ULK4: variants seen among roughly 807,000 people sequenced by gnomAD.
ULK4 encodes the protein inactive serine/threonine-protein kinase ULK4.
In ULK4, 133 loss-of-function variants were observed where a neutral mutation model predicts 160.6. The observed-to-expected ratio is 0.83, with a 90% CI of 0.72 to 0.96. ULK4 has a LOEUF of 0.96. Ranked by LOEUF, ULK4 falls within the 40% of genes least tolerant of loss-of-function variation. The probability of loss-of-function intolerance (pLI) is 0.00; values close to 1 mark genes in which losing one functional copy is unlikely to be tolerated. For synonymous variants in ULK4, 534 were observed against 539.8 expected (o/e 0.99, Z 0.15); for missense variants, 1,580 against 1,499.5 (o/e 1.05, Z -0.89).
rs2035260848 is a variant in ULK4 at position 41,663,708 on chromosome 3, G to A, written c.2979-9C>T. 2.5e-6 allele frequency: 4 copies of A among 1,610,678 alleles called. No homozygotes were observed. Among genetic ancestry groups the A allele is most frequent in the Non-Finnish European group, 1.7e-6 (2 of 1,177,254 alleles). ...AAAGAATGTGCTCATACCTGAAATGGTAAAGACATTTAAAAAATACTCAGT... is the reference window on the plus strand; with the variant it reads ...AAAGAATGTGCTCATACCTGAAATGATAAAGACATTTAAAAAATACTCAGT... On this transcript the variant is annotated splice_polypyrimidine_tract_variant and intron_variant, in intron 29 of 36. Coordinates refer to ENST00000301831, the MANE Select transcript of ULK4 (RefSeq NM_017886.4).
At chr3:41,589,946 C>T (rs2031152043) in intron 31 of ULK4, among the ~76,000 whole-genome samples, 2 of 151,158 alleles carry the variant, frequency 1.3e-5, no homozygotes, top group Admixed American at 6.6e-5. Context: ...CTCAAGAGTG[C>T]AGAGGAAAAT....
intron 21 of ULK4, among the ~76,000 whole-genome samples, chr3:41,777,813 T>A (rs1280113021): frequency 7.1e-6 from 1 of 141,816 alleles, no homozygotes; most frequent in Non-Finnish European, 1.5e-5. Context: ...TCTGTTCTTT[T>A]ACATTTGCTG....
intron 31 of ULK4, among the ~76,000 whole-genome samples, chr3:41,583,201 G>A (rs2030514212): frequency 6.6e-6 from 1 of 152,184 alleles, no homozygotes; most frequent in Admixed American, 6.5e-5. Context: ...TCTCAGAAAA[G>A]ATAATGGAGC....
intron 21 of ULK4, among the ~76,000 whole-genome samples, chr3:41,781,871 GGAGGTTGCAGTGAGCC>G (rs1298659310): frequency 6.6e-6 from 1 of 151,986 alleles, no homozygotes; most frequent in African/African-American, 2.4e-5. Flanking sequence ...CCCGGGAGGC[GGAGGTTGCAGTGAGCC>G]GAGATCATGC....
intron 35 of ULK4, among the ~76,000 whole-genome samples, chr3:41,260,345 G>C (rs1270848699): frequency 6.6e-6 from 1 of 152,180 alleles, no homozygotes; most frequent in Non-Finnish European, 1.5e-5. Flanking sequence ...GCTGCTGCCA[G>C]GGTCTCACCT....
chr3:41,277,142 T>A (rs1276594733), intron 35 of ULK4, among the ~76,000 whole-genome samples: 1 of 152,124 alleles, frequency 6.6e-6, no homozygotes, highest in Non-Finnish European at 1.5e-5. Context: ...CAGGACCAGA[T>A]GAATTCACAG....
At chr3:41,656,436 G>C (rs1234970819) in intron 30 of ULK4, among the ~76,000 whole-genome samples, 2 of 152,090 alleles carry the variant, frequency 1.3e-5, no homozygotes, top group Non-Finnish European at 2.9e-5. Context: ...ATCATTACAT[G>C]TATTAAAACC....
chr3:41,327,036 G>T (rs563604339), intron 35 of ULK4, among the ~76,000 whole-genome samples: 1 of 152,302 alleles, frequency 6.6e-6, no homozygotes, highest in African/African-American at 2.4e-5. Context: ...TACATGCTAG[G>T]CTTTCTGCCC....
chr3:41,624,532 T>G (rs1021767191), intron 30 of ULK4, among the ~76,000 whole-genome samples: 5 of 152,222 alleles, frequency 3.3e-5, no homozygotes, highest in Non-Finnish European at 5.9e-5. Flanking sequence ...CTGGATTACC[T>G]CTTAAGTCTC....
At chr3:41,726,461 T>C (rs1046094939) in intron 22 of ULK4, among the ~76,000 whole-genome samples, 2 of 152,228 alleles carry the variant, frequency 1.3e-5, no homozygotes, top group Non-Finnish European at 2.9e-5. Context: ...CATTTGAGCA[T>C]AGTGTCCCAC....
At chr3:41,765,890 T>C (rs893625466) in intron 21 of ULK4, among the ~76,000 whole-genome samples, 1 of 152,166 alleles carries the variant, frequency 6.6e-6, no homozygotes, top group African/African-American at 2.4e-5. Context: ...AAGAAACAAC[T>C]GATAAAAGGA....
chr3:41,950,007 A>T (rs1249819496), intron 2 of ULK4, among the ~76,000 whole-genome samples: 2 of 151,668 alleles, frequency 1.3e-5, no homozygotes, highest in African/African-American at 2.4e-5. Context: ...AAGTGCTGGG[A>T]TTATAGGCAT....
chr3:41,797,389 T>C (rs1439949326), intron 20 of ULK4, among the ~76,000 whole-genome samples: 2 of 152,156 alleles, frequency 1.3e-5, no homozygotes. Flanking sequence ...CAGAGGTATC[T>C]GGTACAGTTA....
intron 25 of ULK4, among the ~76,000 whole-genome samples, chr3:41,710,057 C>G (rs1433485511): frequency 1.3e-5 from 2 of 152,138 alleles, no homozygotes; most frequent in African/African-American, 4.8e-5. Flanking sequence ...TTCTGCCTTT[C>G]TCTTCCCTTG....
At chr3:41,506,270 C>T (rs1289104237) in intron 32 of ULK4, among the ~76,000 whole-genome samples, 1 of 152,160 alleles carries the variant, frequency 6.6e-6, no homozygotes, top group Non-Finnish European at 1.5e-5. Context: ...TACACACAGG[C>T]ATAAACCAAA....
At chr3:41,902,925 G>A (rs1394611166) in intron 12 of ULK4, among the ~76,000 whole-genome samples, 1 of 152,208 alleles carries the variant, frequency 6.6e-6, no homozygotes. Context: ...CTGCTTGAGA[G>A]AAGACAGTGA....
At chr3:41,477,143 T>G (rs2084168848) in intron 32 of ULK4, among the ~76,000 whole-genome samples, 1 of 152,202 alleles carries the variant, frequency 6.6e-6, no homozygotes, top group Non-Finnish European at 1.5e-5. Flanking sequence ...AAGAATTATT[T>G]TGCATTAATT....
At chr3:41,675,150 G>A (rs868294077) in intron 29 of ULK4, among the ~76,000 whole-genome samples, 9 of 152,160 alleles carry the variant, frequency 5.9e-5, no homozygotes, top group Admixed American at 2.6e-4. Context: ...TGAGGCAGGA[G>A]AATCGCCTGA....
At chr3:41,252,097 A>G (rs1231366439) in intron 35 of ULK4, among the ~76,000 whole-genome samples, 1 of 152,204 alleles carries the variant, frequency 6.6e-6, no homozygotes, top group Non-Finnish European at 1.5e-5. Flanking sequence ...CCAATATGAC[A>G]CTGAAATTAC....
Sources: allele counts gnomAD v4.1 joint callset (sites outside exome capture counted in the v4.1 genomes callset), GRCh38; gene constraint gnomAD v4.1.1; transcripts MANE v1.5; gene names NCBI Gene and HGNC (gene_info 2026-07-23, HGNC 2026-07-21).